Variants in SHB observed in about 807,000 individuals in gnomAD.
SHB encodes the protein SH2 domain containing adaptor protein B, also known as SH2 domain-containing adapter protein B.
In SHB, 20 loss-of-function variants were observed where a neutral mutation model predicts 52.3. The observed-to-expected ratio is 0.38, with a 90% confidence interval of 0.27 to 0.56. The LOEUF (loss-of-function observed/expected upper bound fraction) is 0.56. Ranked by LOEUF, SHB falls within the 20% of genes least tolerant of loss-of-function variation. SHB has a pLI of 0.71. For missense variants in SHB, 825 were observed against 723.3 expected, an observed-to-expected ratio of 1.14 and a Z score of -1.61; for synonymous variants, 397 against 316.5, an observed-to-expected ratio of 1.25 and a Z score of -2.70.
chr9:38,024,815 G>A (rs2381775), intron 1 of SHB, among the ~76,000 whole-genome samples: 46,158 of 152,048 alleles, frequency 0.3, 7,231 homozygotes, highest in Middle Eastern at 0.41. Flanking sequence ...AAAAACACCC[G>A]GGGAGGGGTC....
At chr9:37,943,281 A>G (rs548234004) in intron 5 of SHB, among the ~76,000 whole-genome samples, 1 of 152,218 alleles carries the variant, frequency 6.6e-6, no homozygotes, top group African/African-American at 2.4e-5. Context: ...CTTTCATAGA[A>G]AGAGTACTTT....
chr9:37,982,094 TAAA>T (rs59247175), intron 2 of SHB, among the ~76,000 whole-genome samples: 6 of 141,220 alleles, frequency 4.2e-5, no homozygotes, highest in Non-Finnish European at 9.3e-5. Flanking sequence ...CTTCATTTTG[TAAA>T]AAAAAAAAAA....
rs141173051 is a variant in SHB, at chr9:37,981,008, G to A, written c.839-6171C>T. ...CCATTCACAGGGCACGAGCAGGGTA[G>A]ATTTAGCATAATTCTTAAGGGCTCC... is the stretch of plus-strand genomic sequence containing the variant. On this transcript the variant is annotated intron_variant, in intron 2 of 5. Coordinates refer to ENST00000377707, the MANE Select transcript of SHB (RefSeq NM_003028.3). 1.8e-4 allele frequency among the ~76,000 whole-genome samples: 27 copies of A among 152,358 alleles called. No homozygotes were observed. The East Asian group carries it at 3.9e-3, about 22-fold the overall frequency.
intron 4 of SHB, among the ~76,000 whole-genome samples, chr9:37,954,646 C>T (rs1190135730): frequency 6.6e-6 from 1 of 152,162 alleles, no homozygotes; most frequent in Non-Finnish European, 1.5e-5. Context: ...GACAAGACAC[C>T]TGAGGACACC....
intron 1 of SHB, among the ~76,000 whole-genome samples, chr9:38,032,849 T>C (rs1821433801): frequency 6.6e-6 from 1 of 152,132 alleles, no homozygotes; most frequent in Admixed American, 6.5e-5. Context: ...ACCAAACCTC[T>C]GCACATGGAA....
At chr9:38,019,612 T>C (rs7020111) in intron 1 of SHB, among the ~76,000 whole-genome samples, 306 of 152,346 alleles carry the variant, frequency 2.0e-3, no homozygotes, top group African/African-American at 7.3e-3. Flanking sequence ...GTGAGCAGAA[T>C]TGGGTCCTCT....
chr9:38,048,079 G>A (rs1464391580), intron 1 of SHB, among the ~76,000 whole-genome samples: 1 of 152,252 alleles, frequency 6.6e-6, no homozygotes, highest in East Asian at 1.9e-4. Context: ...TCTGCTGGGA[G>A]GTGGAGAGCC....
chr9:37,954,691 G>C (rs1293886087), intron 4 of SHB, among the ~76,000 whole-genome samples: 1 of 152,210 alleles, frequency 6.6e-6, no homozygotes, highest in Non-Finnish European at 1.5e-5. Flanking sequence ...TCAAGTTCCT[G>C]GAGAAGCTCA....
At chr9:38,022,575 G>A (rs959591713) in intron 1 of SHB, among the ~76,000 whole-genome samples, 3 of 152,186 alleles carry the variant, frequency 2.0e-5, no homozygotes, top group African/African-American at 4.8e-5. Flanking sequence ...CAGCACAAGT[G>A]CCTCTGTCCC....
At chr9:38,061,489 A>G (rs1219478630) in intron 1 of SHB, among the ~76,000 whole-genome samples, 1 of 152,154 alleles carries the variant, frequency 6.6e-6, no homozygotes, top group East Asian at 1.9e-4. Flanking sequence ...CCCACAGGCC[A>G]CCACTTCTGG....
At chr9:37,972,998 G>A (rs1820609710) in intron 3 of SHB, among the ~76,000 whole-genome samples, 1 of 152,152 alleles carries the variant, frequency 6.6e-6, no homozygotes, top group Non-Finnish European at 1.5e-5. Context: ...CTTTTTACAT[G>A]CCTAAACTCT....
At chr9:38,051,937 G>A (rs554646006) in intron 1 of SHB, among the ~76,000 whole-genome samples, 127 of 152,188 alleles carry the variant, frequency 8.3e-4, no homozygotes, top group African/African-American at 2.9e-3. Flanking sequence ...ACTGTTTTTC[G>A]AAGAGCTTCT....
intron 3 of SHB, among the ~76,000 whole-genome samples, chr9:37,967,964 A>ATTG (rs1820549119): frequency 1.3e-5 from 2 of 152,192 alleles, no homozygotes; most frequent in Non-Finnish European, 2.9e-5. Flanking sequence ...ACTCGTTAGA[A>ATTG]CTGTTGCTGG....
At chr9:38,049,799 C>CTT (rs901763706) in intron 1 of SHB, among the ~76,000 whole-genome samples, 5 of 137,808 alleles carry the variant, frequency 3.6e-5, no homozygotes, top group African/African-American at 1.1e-4. Flanking sequence ...ACCATGGGTA[C>CTT]TTTTTTTTTT....
intron 2 of SHB, among the ~76,000 whole-genome samples, chr9:38,009,135 C>T (rs540633387): frequency 1.1e-4 from 16 of 152,342 alleles, no homozygotes; most frequent in African/African-American, 3.8e-4. Context: ...TTCTGAGAAG[C>T]ATTTGCCGGT....
chr9:38,015,493 C>G, intron 2 of SHB: 1 of 702,008 alleles, frequency 1.4e-6, no homozygotes, highest in Non-Finnish European at 2.6e-6. Context: ...GTCATGTAGA[C>G]CAGGGTTATT....
At chr9:37,947,974 G>C (rs1446810732) in intron 5 of SHB, among the ~76,000 whole-genome samples, 2 of 152,222 alleles carry the variant, frequency 1.3e-5, no homozygotes, top group Non-Finnish European at 2.9e-5. Context: ...GTCCCGTCCA[G>C]CAATAGCACC....
At position 38,012,809 on chromosome 9, in the gene SHB, T is replaced by G. The variant is rs199571579; in HGVS notation, c.838+3202A>C. 4.0e-5 allele frequency among the ~76,000 whole-genome samples: 6 copies of G among 148,572 alleles called. No individual in the cohort carries two copies. The East Asian group carries it at 1.2e-3, about 29-fold the overall frequency. On this transcript the variant is annotated intron_variant, in intron 2 of 5. Coordinates refer to ENST00000377707, the MANE Select transcript of SHB (RefSeq NM_003028.3). ...CAAGATGATGCCCTGTAACTACAAG[T>G]TACACGCTCACATACACATAAAATG...
chr9:38,033,831 A>G (rs539968845), intron 1 of SHB, among the ~76,000 whole-genome samples: 1 of 151,258 alleles, frequency 6.6e-6, no homozygotes, highest in East Asian at 1.9e-4. Flanking sequence ...TTTCCTACCC[A>G]GGAAAAAACT....
Sources: gnomAD v4.1 joint callset for allele counts (sites outside exome capture counted in the v4.1 genomes callset) on GRCh38, gnomAD v4.1.1 for gene constraint, MANE v1.5 for transcripts, NCBI Gene and HGNC (gene_info 2026-07-23, HGNC 2026-07-21) for gene names.